Variants in HDAC9 observed in about 807,000 individuals in gnomAD.
HDAC9 encodes the protein histone deacetylase 9, also known as MEF-2 interacting transcription repressor (MITR) protein.
A neutral mutation model predicts 139.4 loss-of-function variants in HDAC9; 41 were observed. The ratio of observed to expected loss-of-function variants is 0.29; its 90% confidence interval spans 0.23 to 0.38. The LOEUF (loss-of-function observed/expected upper bound fraction) is 0.38. Ranked by LOEUF, HDAC9 falls within the 10% of genes least tolerant of loss-of-function variation. The pLI, the probability that HDAC9 is intolerant of heterozygous loss-of-function variation, is 1.00. For synonymous variants in HDAC9, 517 were observed against 476.2 expected (o/e 1.09, Z -1.12); for missense variants, 1,147 against 1,297.0 (o/e 0.88, Z 1.78).
chr7:18,617,884 T>C lies in HDAC9; in HGVS notation c.665-11466T>C, dbSNP rs533111069. On this transcript the variant is annotated intron_variant, in intron 6 of 25. Transcript: ENST00000686413. ...TGTTTTGCTAAATAATTTTTAAGAATTTAATTTGCAATAACATTTTGGAGG... is the reference window on the plus strand; with the variant it reads ...TGTTTTGCTAAATAATTTTTAAGAACTTAATTTGCAATAACATTTTGGAGG... Among the ~76,000 whole-genome samples the C allele has an allele frequency of 3.3e-5, 5 of 152,334 alleles. No individual in the cohort carries two copies. The South Asian group carries it at 1.0e-3, about 32-fold the overall frequency.
chr7:18,349,469 A>G (rs1243752994), intron 1 of HDAC9, among the ~76,000 whole-genome samples: 1 of 152,066 alleles, frequency 6.6e-6, no homozygotes, highest in Non-Finnish European at 1.5e-5. Flanking sequence ...TTCTCCCAGT[A>G]TAATGTTAGT....
chr7:18,764,837 C>A (rs2129159149), intron 15 of HDAC9, among the ~76,000 whole-genome samples: 1 of 152,102 alleles, frequency 6.6e-6, no homozygotes, highest in African/African-American at 2.4e-5. Context: ...TAGTTGTGTT[C>A]TAGAGTTAGG....
intron 1 of HDAC9, among the ~76,000 whole-genome samples, chr7:18,291,986 T>C (rs1381798992): frequency 6.6e-6 from 1 of 152,160 alleles, no homozygotes; most frequent in Non-Finnish European, 1.5e-5. Context: ...TATGCATCCA[T>C]CTCTGATGTA....
intron 6 of HDAC9, among the ~76,000 whole-genome samples, chr7:18,603,762 T>A (rs559971703): frequency 6.6e-6 from 1 of 152,134 alleles, no homozygotes; most frequent in Non-Finnish European, 1.5e-5. Context: ...TAGGTCTGAG[T>A]TTCTGACCTA....
intron 19 of HDAC9, among the ~76,000 whole-genome samples, chr7:18,833,978 T>C (rs138405579): frequency 2.8e-4 from 43 of 152,284 alleles, no homozygotes; most frequent in African/African-American, 9.9e-4. Flanking sequence ...TCAAACAGAT[T>C]ATGAATGTAA....
intron 24 of HDAC9, among the ~76,000 whole-genome samples, chr7:18,968,358 C>A (rs1784019533): frequency 6.6e-6 from 1 of 151,930 alleles, no homozygotes; most frequent in Admixed American, 6.6e-5. Context: ...GACCTCTGAC[C>A]CCATGTATGA....
At chr7:18,759,943 T>G (rs1411037603) in intron 14 of HDAC9, among the ~76,000 whole-genome samples, 1 of 152,180 alleles carries the variant, frequency 6.6e-6, no homozygotes, top group Non-Finnish European at 1.5e-5. Context: ...AAGTAAAAAT[T>G]TAATTTATAG....
At chr7:18,184,114 A>G (rs578031529) in intron 2 of HDAC9, among the ~76,000 whole-genome samples, 4 of 152,182 alleles carry the variant, frequency 2.6e-5, no homozygotes, top group African/African-American at 7.2e-5. Flanking sequence ...ATAATGAGCT[A>G]TTGGCCGGGC....
chr7:18,477,822 A>T (rs1034270443), intron 1 of HDAC9, among the ~76,000 whole-genome samples: 3 of 152,304 alleles, frequency 2.0e-5, no homozygotes, highest in Admixed American at 6.5e-5. Context: ...AACGACTCAC[A>T]GCCTGTAACT....
At chr7:18,380,417 G>A (rs561633633) in intron 1 of HDAC9, among the ~76,000 whole-genome samples, 14 of 152,106 alleles carry the variant, frequency 9.2e-5, no homozygotes, top group Non-Finnish European at 1.8e-4. Context: ...TGATTAAATC[G>A]TATATTGCAG....
chr7:18,512,810 G>T (rs920484276), intron 2 of HDAC9, among the ~76,000 whole-genome samples: 2 of 152,188 alleles, frequency 1.3e-5, no homozygotes, highest in African/African-American at 4.8e-5. Context: ...ACTGATTCCA[G>T]AAATTCAAAT....
intron 25 of HDAC9, among the ~76,000 whole-genome samples, chr7:18,992,213 CT>C (rs530723262): frequency 1.1e-3 from 160 of 152,302 alleles, no homozygotes; most frequent in African/African-American, 3.5e-3. Flanking sequence ...TTCACTACAG[CT>C]TTATTCATGG....
At chr7:18,551,382 T>G (rs1817075519) in intron 2 of HDAC9, among the ~76,000 whole-genome samples, 1 of 152,116 alleles carries the variant, frequency 6.6e-6, no homozygotes, top group Admixed American at 6.5e-5. Flanking sequence ...GTGATATTTA[T>G]CATGAGATTA....
intron 22 of HDAC9, among the ~76,000 whole-genome samples, chr7:18,886,262 T>G (rs1331487887): frequency 6.6e-6 from 1 of 152,222 alleles, no homozygotes; most frequent in Non-Finnish European, 1.5e-5. Context: ...CTGCACTGTT[T>G]AGTTACTGAT....
At chr7:18,782,337 G>A (rs1190308079) in intron 16 of HDAC9, among the ~76,000 whole-genome samples, 3 of 152,172 alleles carry the variant, frequency 2.0e-5, no homozygotes, top group Non-Finnish European at 4.4e-5. Context: ...GAAGCAACAG[G>A]CTGCATTTAG....
intron 1 of HDAC9, among the ~76,000 whole-genome samples, chr7:18,335,970 C>T (rs1781554067): frequency 6.6e-6 from 1 of 151,508 alleles, no homozygotes; most frequent in African/African-American, 2.4e-5. Flanking sequence ...TTTTATTGCT[C>T]ATGATGTAAC....
chr7:18,486,795 T>G (rs565930065), intron 1 of HDAC9, among the ~76,000 whole-genome samples: 2 of 152,134 alleles, frequency 1.3e-5, no homozygotes, highest in Admixed American at 6.6e-5. Flanking sequence ...AATATTAGAT[T>G]TGGGAAGGGT....
At chr7:18,597,243 A>G (rs762350369) in intron 6 of HDAC9, among the ~76,000 whole-genome samples, 1 of 152,158 alleles carries the variant, frequency 6.6e-6, no homozygotes, top group African/African-American at 2.4e-5. Flanking sequence ...TTTCACAACA[A>G]CATCAAAGGC....
rs533914046 is a variant in HDAC9, at chr7:18,682,979, T to TCAA, written c.1731+16513_1731+16515dup. Among the ~76,000 whole-genome samples the TCAA allele has an allele frequency of 4.9e-3, 748 of 151,956 alleles. 2 individuals carry two copies. Among genetic ancestry groups the TCAA allele is most frequent in the Non-Finnish European group, 7.8e-3 (528 of 67,942 alleles). On this transcript the variant is annotated intron_variant, in intron 12 of 25. Transcript: ENST00000686413. ...CTGGGAGATAGAGGGAGACTCTGCC[T>TCAA]CAACAACAACAAAAAAAATTTAAAG...
Sources: gnomAD v4.1 joint callset for allele counts (sites outside exome capture counted in the v4.1 genomes callset) on GRCh38, gnomAD v4.1.1 for gene constraint, MANE v1.5 for transcripts, NCBI Gene and HGNC (gene_info 2026-07-23, HGNC 2026-07-21) for gene names.